The following AUTS2 variants were observed in gnomAD, a reference collection of about 807,000 sequenced individuals.
The protein encoded by AUTS2 is autism susceptibility gene 2 protein.
In AUTS2, 17 loss-of-function variants were observed where a neutral mutation model predicts 112.4. The ratio of observed to expected loss-of-function variants is 0.15; its 90% CI spans 0.10 to 0.23. The LOEUF (loss-of-function observed/expected upper bound fraction) is 0.23. AUTS2 is among the 10% of genes least tolerant of loss of function. AUTS2 has a pLI of 1.00. For synonymous variants in AUTS2, 751 were observed against 702.7 expected (o/e 1.07, Z -1.09); for missense variants, 1,510 against 1,701.6 (o/e 0.89, Z 1.98).
intron 4 of AUTS2, among the ~76,000 whole-genome samples, chr7:70,298,316 G>A (rs549780968): frequency 6.6e-6 from 1 of 152,262 alleles, no homozygotes; most frequent in African/African-American, 2.4e-5. Flanking sequence ...CCAGGTGTAA[G>A]CCACTGCACC....
intron 2 of AUTS2, among the ~76,000 whole-genome samples, chr7:70,011,384 A>C (rs1389188603): frequency 2.2e-4 from 26 of 118,112 alleles, no homozygotes; most frequent in Non-Finnish European, 3.5e-4. Context: ...TCCCTTTTCT[A>C]CTCTCCCACT....
chr7:70,516,831 G>A (rs1799436535), intron 5 of AUTS2, among the ~76,000 whole-genome samples: 2 of 152,058 alleles, frequency 1.3e-5, no homozygotes, highest in Non-Finnish European at 2.9e-5. Context: ...AACCATATGA[G>A]ATTCTATTTT....
intron 1 of AUTS2, among the ~76,000 whole-genome samples, chr7:69,792,234 T>TG (rs1365175728): frequency 2.0e-5 from 3 of 150,360 alleles, no homozygotes; most frequent in Non-Finnish European, 3.0e-5. Context: ...AAGTTGTTGT[T>TG]TTTTTTTTGT....
intron 5 of AUTS2, among the ~76,000 whole-genome samples, chr7:70,584,448 G>A (rs759825863): frequency 2.0e-5 from 3 of 152,210 alleles, no homozygotes; most frequent in Non-Finnish European, 4.4e-5. Flanking sequence ...GTGACAGCTT[G>A]GGATTTATAA....
At chr7:69,715,694 A>G (rs747045397) in intron 1 of AUTS2, among the ~76,000 whole-genome samples, 3 of 152,242 alleles carry the variant, frequency 2.0e-5, no homozygotes, top group Non-Finnish European at 2.9e-5. Context: ...CATAGAACTC[A>G]GAGATGATAA....
At position 70,631,297 on chromosome 7, in the gene AUTS2, C is replaced by T. The variant is rs1444232863; in HGVS notation, c.691-67272C>T. On this transcript the variant is annotated intron_variant, in intron 5 of 18. Transcript: ENST00000342771. The surrounding 1 kb of genome is among the most constrained non-coding windows in gnomAD (Gnocchi z 4.5). ...GGGGCCCGGCTTGCTGCGGGCTGGC[C>T]GGGCTGCTGGCTCGCCTTGAAGAGA... Among the ~76,000 whole-genome samples the T allele has an allele frequency of 1.3e-5, 2 of 152,160 alleles. No individual in the cohort carries two copies. The highest frequency in any genetic ancestry group is 2.4e-5 in the African/African-American group (1 of 41,428).
At position 70,108,783 on chromosome 7, in the gene AUTS2, C is replaced by CAAAAAAA. The variant is rs528009205; in HGVS notation, c.523-9324_523-9318dup. Among the ~76,000 whole-genome samples the CAAAAAAA allele has an allele frequency of 5.5e-4, 38 of 69,174 alleles. 2 individuals carry two copies. Among genetic ancestry groups the CAAAAAAA allele is most frequent in the African/African-American group, 1.9e-3 (35 of 18,534 alleles). 45.4% of individuals were successfully genotyped at this position (69,174 alleles called of 152,430 possible). ...TTCCAGACCAGCCTGGCCAACATGG[C>CAAAAAAA]AAAAAAAAAAAAAAAAAAAAAAAAA... On this transcript the variant is annotated intron_variant, in intron 2 of 18. Transcript: ENST00000342771.
chr7:69,848,686 C>T (rs2129529501), intron 1 of AUTS2, among the ~76,000 whole-genome samples: 1 of 152,240 alleles, frequency 6.6e-6, no homozygotes, highest in Non-Finnish European at 1.5e-5. Context: ...ATTTGTCTTC[C>T]ACGTCAAAGG....
intron 2 of AUTS2, among the ~76,000 whole-genome samples, chr7:70,043,200 A>G (rs979433120): frequency 1.3e-5 from 2 of 152,176 alleles, no homozygotes; most frequent in African/African-American, 4.8e-5. Context: ...GGGCAGGTCC[A>G]TAGCCAAGCT....
intron 5 of AUTS2, among the ~76,000 whole-genome samples, chr7:70,502,681 GT>G (rs2116649540): frequency 1.3e-5 from 2 of 152,340 alleles, no homozygotes; most frequent in East Asian, 3.9e-4. Context: ...GAGGTGTATA[GT>G]GGGAAGGGCC....
chr7:70,504,898 T>C (rs369917044), intron 5 of AUTS2, among the ~76,000 whole-genome samples: 1 of 152,266 alleles, frequency 6.6e-6, no homozygotes, highest in African/African-American at 2.4e-5. Flanking sequence ...GGAGCTCTGA[T>C]TGATAACATT....
intron 2 of AUTS2, among the ~76,000 whole-genome samples, chr7:69,918,687 T>C (rs1367199821): frequency 1.3e-5 from 2 of 152,204 alleles, no homozygotes; most frequent in African/African-American, 2.4e-5. Flanking sequence ...AAAGGTTTAT[T>C]TGAGGTAACC....
At chr7:70,030,320 C>T (rs983190168) in intron 2 of AUTS2, among the ~76,000 whole-genome samples, 4 of 152,306 alleles carry the variant, frequency 2.6e-5, no homozygotes, top group Admixed American at 2.0e-4. Context: ...TTCTTCTGAA[C>T]ATCATCATAA....
intron 2 of AUTS2, among the ~76,000 whole-genome samples, chr7:70,109,855 A>G (rs1257669080): frequency 2.0e-5 from 3 of 152,188 alleles, no homozygotes; most frequent in Non-Finnish European, 4.4e-5. Flanking sequence ...GGAAGAGTCC[A>G]TTCAGATGGT....
chr7:70,687,391 G>C (rs1808525705), intron 5 of AUTS2, among the ~76,000 whole-genome samples: 1 of 152,150 alleles, frequency 6.6e-6, no homozygotes, highest in Admixed American at 6.5e-5. Context: ...ATTTTTCATT[G>C]CCTTTCTTTG....
chr7:70,145,096 C>G (rs1807061751), intron 4 of AUTS2, among the ~76,000 whole-genome samples: 1 of 152,068 alleles, frequency 6.6e-6, no homozygotes, highest in Non-Finnish European at 1.5e-5. Flanking sequence ...AGATTTTACT[C>G]ATTGCTCTTC....
chr7:69,750,437 A>G (rs903446608), intron 1 of AUTS2, among the ~76,000 whole-genome samples: 14 of 148,768 alleles, frequency 9.4e-5, no homozygotes, highest in Admixed American at 3.4e-4. Context: ...ATATTAGTAT[A>G]TTAGTATTAT....
intron 1 of AUTS2, among the ~76,000 whole-genome samples, chr7:69,675,140 C>A (rs964576646): frequency 1.3e-5 from 2 of 152,138 alleles, no homozygotes; most frequent in African/African-American, 4.8e-5. Context: ...GGGAATCTTA[C>A]CAAATCAATA....
intron 6 of AUTS2, among the ~76,000 whole-genome samples, chr7:70,708,342 C>A (rs1423549330): frequency 2.0e-5 from 3 of 152,258 alleles, no homozygotes; most frequent in African/African-American, 7.2e-5. Context: ...CTTCTGAAAG[C>A]AGATTGGTCA....
Sources: allele counts gnomAD v4.1 joint callset (sites outside exome capture counted in the v4.1 genomes callset), GRCh38; gene constraint gnomAD v4.1.1; non-coding constraint Gnocchi (gnomAD v3.1); transcripts MANE v1.5; gene names NCBI Gene and HGNC (gene_info 2026-07-23, HGNC 2026-07-21).